Variants in APBB1IP observed in about 807,000 individuals in gnomAD.
APBB1IP encodes the protein amyloid beta precursor protein binding family B member 1 interacting protein.
Under a neutral mutation model 64.9 loss-of-function variants are expected in APBB1IP, and 27 were observed. The ratio of observed to expected loss-of-function variants is 0.42; its 90% confidence interval spans 0.31 to 0.57. APBB1IP has a LOEUF of 0.57. Ranked by LOEUF, APBB1IP falls within the 20% of genes least tolerant of loss-of-function variation. The pLI is 0.20. For synonymous variants in APBB1IP, 392 were observed against 331.0 expected (o/e 1.18, Z -2.00); for missense variants, 812 against 845.5 (o/e 0.96, Z 0.49).
intron 2 of APBB1IP, among the ~76,000 whole-genome samples, chr10:26,444,037 A>G (rs1286684154): frequency 6.6e-6 from 1 of 152,250 alleles, no homozygotes; most frequent in Non-Finnish European, 1.5e-5. Flanking sequence ...GCGAAAAGCA[A>G]GGTGAAGTTG....
chr10:26,519,026 T>C (rs1332880270), intron 8 of APBB1IP, among the ~76,000 whole-genome samples: 1 of 151,394 alleles, frequency 6.6e-6, no homozygotes. Context: ...AGAAAAGAGG[T>C]TTATTTGGGA....
intron 11 of APBB1IP, among the ~76,000 whole-genome samples, chr10:26,551,646 G>T (rs191335276): frequency 5.3e-5 from 8 of 152,284 alleles, no homozygotes; most frequent in African/African-American, 1.9e-4. Flanking sequence ...TGGAAGGAGC[G>T]CTGGAATTCC....
intron 3 of APBB1IP, 102 bp from the exon 4 acceptor site, chr10:26,496,202 G>GA (rs1836022037): frequency 1.2e-6 from 1 of 860,026 alleles, no homozygotes. Flanking sequence ...CACTAAGGGA[G>GA]AAAATGTGTA....
At chr10:26,480,988 G>A (rs1010332119) in intron 2 of APBB1IP, among the ~76,000 whole-genome samples, 1 of 151,942 alleles carries the variant, frequency 6.6e-6, no homozygotes, top group Non-Finnish European at 1.5e-5. Context: ...ATTCTAAATT[G>A]CATTGTCCCT....
intron 14 of APBB1IP, among the ~76,000 whole-genome samples, chr10:26,565,710 G>A (rs1837032764): frequency 6.6e-6 from 1 of 152,218 alleles, no homozygotes; most frequent in Non-Finnish European, 1.5e-5. Flanking sequence ...TGGAAAGCCA[G>A]TAACACCATG....
At chr10:26,470,827 A>G (rs1835707619) in intron 2 of APBB1IP, among the ~76,000 whole-genome samples, 1 of 151,988 alleles carries the variant, frequency 6.6e-6, no homozygotes, top group Non-Finnish European at 1.5e-5. Context: ...GTCCTTGCCC[A>G]TCATCTCTCA....
chr10:26,541,671 T>C lies in APBB1IP; in HGVS notation c.1134T>C (p.Thr378=), dbSNP rs376954482. ...TQHKMKYKAP[T]DYCFVLKHPQ... The stretch of plus-strand genomic sequence containing the variant: ...ATAAAATGAAATATAAAGCGCCCAC[T>C]GACTATTGCTTTGTTTTAAAGGTAT... Residue 378 remains threonine, a synonymous_variant, in exon 11 of 15, where the codon ACT becomes ACC. Transcript: ENST00000376236. 1 of 1,607,858 alleles carries C rather than the reference T, an allele frequency of 6.2e-7. No individual in the cohort carries two copies. The highest frequency in any genetic ancestry group is 8.5e-7 in the Non-Finnish European group (1 of 1,176,704).
intron 2 of APBB1IP, among the ~76,000 whole-genome samples, chr10:26,477,450 A>G (rs1835788756): frequency 6.6e-6 from 1 of 152,132 alleles, no homozygotes. Context: ...TGCAGAGTGG[A>G]ATGATACTTC....
chr10:26,507,298 C>A (rs1836194164), intron 6 of APBB1IP, among the ~76,000 whole-genome samples: 1 of 152,118 alleles, frequency 6.6e-6, no homozygotes, highest in Non-Finnish European at 1.5e-5. Context: ...TTAAGACCAG[C>A]CTGGGCAACA....
Position 26,466,196 on chromosome 10 carries a change from G to C in APBB1IP, c.1-26131G>C, listed in dbSNP as rs530888874. Among the ~76,000 whole-genome samples the C allele has an allele frequency of 5.3e-5, 8 of 152,290 alleles. No homozygotes were observed. In the South Asian group the frequency reaches 1.7e-3, roughly 32 times the overall value. The stretch of plus-strand genomic sequence containing the variant: ...TCTACAGCCCCTCCGGGTGTCCTGG[G>C]CTTCTACTATCGAGGCAGCTGGGCT... On this transcript the variant is annotated intron_variant, in intron 2 of 14. Coordinates refer to ENST00000376236, the MANE Select transcript of APBB1IP (RefSeq NM_019043.4).
intron 2 of APBB1IP, among the ~76,000 whole-genome samples, chr10:26,464,879 C>T (rs1302719801): frequency 2.0e-5 from 3 of 152,252 alleles, no homozygotes; most frequent in Middle Eastern, 3.4e-3. Context: ...ACAGCAGGGC[C>T]CCAACAGGTA....
At chr10:26,511,044 T>C (rs1322601384) in intron 6 of APBB1IP, among the ~76,000 whole-genome samples, 1 of 151,850 alleles carries the variant, frequency 6.6e-6, no homozygotes, top group African/African-American at 2.4e-5. Flanking sequence ...AAGAGTTTAT[T>C]ATAAAGAAAC....
chr10:26,499,960 C>A (rs1218537753), intron 4 of APBB1IP, among the ~76,000 whole-genome samples: 1 of 152,122 alleles, frequency 6.6e-6, no homozygotes, highest in Non-Finnish European at 1.5e-5. Context: ...CCTCTAATCC[C>A]AGCACTTTGG....
At chr10:26,468,602 T>C (rs931990293) in intron 2 of APBB1IP, among the ~76,000 whole-genome samples, 6 of 151,296 alleles carry the variant, frequency 4.0e-5, no homozygotes, top group Non-Finnish European at 7.4e-5. Context: ...GGAAACATTA[T>C]TATTAGGTTG....
intron 2 of APBB1IP, among the ~76,000 whole-genome samples, chr10:26,456,315 TA>T (rs1835524683): frequency 6.6e-6 from 1 of 152,190 alleles, no homozygotes; most frequent in African/African-American, 2.4e-5. Flanking sequence ...TTCAGTACAT[TA>T]AGTGAAAGCC....
At chr10:26,473,804 C>G (rs1235662685) in intron 2 of APBB1IP, among the ~76,000 whole-genome samples, 2 of 152,128 alleles carry the variant, frequency 1.3e-5, no homozygotes, top group Middle Eastern at 3.2e-3. Context: ...GAGTTTGAGA[C>G]TAGCCTGTCC....
chr10:26,438,893 A>G (rs1043406289), intron 2 of APBB1IP, 40 bp downstream of exon 2: 48 of 152,276 alleles, frequency 3.2e-4, no homozygotes, highest in African/African-American at 1.1e-3. Flanking sequence ...TGGGAGCGCC[A>G]GCACGGGCCC....
intron 11 of APBB1IP, among the ~76,000 whole-genome samples, chr10:26,544,662 C>A (rs1288493760): frequency 6.6e-6 from 1 of 152,138 alleles, no homozygotes; most frequent in Non-Finnish European, 1.5e-5. Flanking sequence ...GACAAGGTCT[C>A]TGACAAGAGG....
chr10:26,510,833 C>T (rs1836248494), intron 6 of APBB1IP, among the ~76,000 whole-genome samples: 1 of 151,812 alleles, frequency 6.6e-6, no homozygotes, highest in Non-Finnish European at 1.5e-5. Context: ...AGTCTACATT[C>T]ATTTCACTTA....
Sources: gnomAD v4.1 joint callset for allele counts (sites outside exome capture counted in the v4.1 genomes callset) on GRCh38, gnomAD v4.1.1 for gene constraint, MANE v1.5 for transcripts, NCBI Gene and HGNC (gene_info 2026-07-23, HGNC 2026-07-21) for gene names.